Variants in RUNX1T1 observed in about 807,000 individuals in gnomAD.
The protein encoded by RUNX1T1 is RUNX1 partner transcriptional co-repressor 1.
Under a neutral mutation model 62.8 loss-of-function variants are expected in RUNX1T1, and 4 were observed. The ratio of observed to expected loss-of-function variants is 0.06; its 90% confidence interval spans 0.03 to 0.15. The LOEUF (loss-of-function observed/expected upper bound fraction) is 0.15, where lower values mean the gene tolerates loss of function less well. Among genes scored for constraint, RUNX1T1 ranks in the 10% least tolerant of loss-of-function variants. The pLI is 1.00. For synonymous variants in RUNX1T1, 291 were observed against 286.0 expected (o/e 1.02, Z -0.18); for missense variants, 508 against 754.3 (o/e 0.67, Z 3.82).
chr8:92,084,119 G>T (rs1457259618), intron 1 of RUNX1T1, among the ~76,000 whole-genome samples: 1 of 152,044 alleles, frequency 6.6e-6, no homozygotes, highest in Admixed American at 6.5e-5. Context: ...CTAAGGGAGG[G>T]ACAGCATTAG....
intron 4 of RUNX1T1, among the ~76,000 whole-genome samples, chr8:92,008,280 C>CA (rs970898472): frequency 1.3e-5 from 2 of 151,476 alleles, no homozygotes; most frequent in African/African-American, 4.9e-5. Flanking sequence ...GATGAGGAAG[C>CA]GGGGGGGAAG....
At chr8:92,033,982 T>A (rs981685892) in intron 1 of RUNX1T1, among the ~76,000 whole-genome samples, 1 of 143,352 alleles carries the variant, frequency 7.0e-6, no homozygotes, top group African/African-American at 3.0e-5. Context: ...AAAAAAAAAT[T>A]TTTTTTTTAA....
intron 1 of RUNX1T1, among the ~76,000 whole-genome samples, chr8:92,023,986 AG>A (rs1212484306): frequency 6.6e-6 from 1 of 152,218 alleles, no homozygotes; most frequent in East Asian, 1.9e-4. Flanking sequence ...CACAAAAGCC[AG>A]CAACTAACAG....
intron 4 of RUNX1T1, among the ~76,000 whole-genome samples, chr8:92,008,561 C>T (rs1174917756): frequency 6.6e-6 from 1 of 151,970 alleles, no homozygotes; most frequent in East Asian, 1.9e-4. Flanking sequence ...TTGAACCAAG[C>T]AGGCAAACAT....
chr8:92,023,475 A>T (rs1824520531), intron 1 of RUNX1T1, among the ~76,000 whole-genome samples: 1 of 152,164 alleles, frequency 6.6e-6, no homozygotes, highest in African/African-American at 2.4e-5. Flanking sequence ...GTCCACAAGA[A>T]TGTCTGCATG....
At chr8:92,027,427 G>A (rs568085658) in intron 1 of RUNX1T1, among the ~76,000 whole-genome samples, 1 of 152,272 alleles carries the variant, frequency 6.6e-6, no homozygotes, top group Non-Finnish European at 1.5e-5. Flanking sequence ...CAGCCCAAAG[G>A]GATGGGGAGC....
intron 2 of RUNX1T1, among the ~76,000 whole-genome samples, chr8:92,069,830 T>C (rs1833415816): frequency 6.6e-6 from 1 of 152,224 alleles, no homozygotes; most frequent in Non-Finnish European, 1.5e-5. Flanking sequence ...CTTACTTTCA[T>C]TTATTAAAAT....
At chr8:92,073,298 A>G (rs1833949053) in intron 2 of RUNX1T1, among the ~76,000 whole-genome samples, 1 of 152,190 alleles carries the variant, frequency 6.6e-6, no homozygotes, top group Non-Finnish European at 1.5e-5. Context: ...GGTGGGAAAC[A>G]CAACAGCGTT....
At chr8:91,996,327 G>A (rs1233838666) in intron 5 of RUNX1T1, among the ~76,000 whole-genome samples, 1 of 152,030 alleles carries the variant, frequency 6.6e-6, no homozygotes, top group Non-Finnish European at 1.5e-5. Flanking sequence ...TCAGCCTCCT[G>A]AGTAGCTGGG....
chr8:92,075,876 C>A lies in RUNX1T1; in HGVS notation c.88+89G>T, dbSNP rs138453232. The A allele has an allele frequency of 2.9e-3, 3,613 of 1,228,278 alleles. 8 individuals are homozygous for A. Among genetic ancestry groups the A allele is most frequent in the Non-Finnish European group, 3.7e-3 (3,301 of 883,202 alleles). 76.1% of individuals were successfully genotyped at this position (1,228,278 alleles called of 1,614,324 possible). A position where few individuals can be genotyped will look rare whatever the true frequency, so the allele number is the denominator to read the frequency against. On this transcript the variant is annotated intron_variant, in intron 2 of 11. Coordinates refer to the RUNX1T1 transcript ENST00000265814. ...TAGAAGAAGGAAGAAAAAAGAAAAT[C>A]TTTACAATTATAATTTATTGGAAAA...
intron 1 of RUNX1T1, among the ~76,000 whole-genome samples, chr8:92,025,008 GA>G (rs1236167816): frequency 2.0e-5 from 3 of 152,116 alleles, no homozygotes; most frequent in Admixed American, 2.0e-4. Context: ...AAGCACTCCG[GA>G]AAGGGTGACT....
chr8:92,021,506 T>C (rs1473347491), intron 1 of RUNX1T1, among the ~76,000 whole-genome samples: 1 of 152,024 alleles, frequency 6.6e-6, no homozygotes, highest in African/African-American at 2.4e-5. Context: ...AGTCAAACAC[T>C]AAGATGCTAA....
At chr8:92,061,965 T>C (rs1832110216) in intron 1 of RUNX1T1, among the ~76,000 whole-genome samples, 1 of 152,184 alleles carries the variant, frequency 6.6e-6, no homozygotes, top group Non-Finnish European at 1.5e-5. Flanking sequence ...GCACTAAATT[T>C]CCAGGACAAG....
intron 3 of RUNX1T1, among the ~76,000 whole-genome samples, chr8:92,012,545 TC>T (rs1822161798): frequency 6.6e-6 from 1 of 151,692 alleles, no homozygotes; most frequent in South Asian, 2.1e-4. Context: ...AGACCCTGTC[TC>T]AAAAAAATTA....
At chr8:92,014,746 G>A (rs1822661377) in exon 3 of RUNX1T1, 1 of 1,614,070 alleles carries the variant, frequency 6.2e-7, no homozygotes, top group Middle Eastern at 1.7e-4. Context: ...GAAGAGGAAG[G>A]CCCATTGCTG....
At chr8:92,058,728 A>C (rs1282515988) in intron 1 of RUNX1T1, among the ~76,000 whole-genome samples, 1 of 152,220 alleles carries the variant, frequency 6.6e-6, no homozygotes, top group Non-Finnish European at 1.5e-5. Context: ...ATGGCTCAGA[A>C]GGCTTTTCAG....
intron 1 of RUNX1T1, among the ~76,000 whole-genome samples, chr8:92,076,648 AAAC>A (rs1297492016): frequency 6.6e-6 from 1 of 152,122 alleles, no homozygotes; most frequent in Admixed American, 6.5e-5. Context: ...ACATAGTTTA[AAAC>A]AACAGTGAAG....
intron 4 of RUNX1T1, 132 bp downstream of exon 5, chr8:92,010,870 A>G: frequency 1.8e-6 from 1 of 564,110 alleles, no homozygotes; most frequent in Non-Finnish European, 3.2e-6. Flanking sequence ...GGTCATAAAT[A>G]CAATCGATTC....
intron 10 of RUNX1T1, among the ~76,000 whole-genome samples, chr8:91,968,068 C>G (rs1485844551): frequency 6.6e-6 from 1 of 152,046 alleles, no homozygotes; most frequent in Non-Finnish European, 1.5e-5. Flanking sequence ...TGGAGGCTGA[C>G]AGGAATAAAA....
Sources: allele counts gnomAD v4.1 joint callset (sites outside exome capture counted in the v4.1 genomes callset), GRCh38; gene constraint gnomAD v4.1.1; transcripts MANE v1.5; gene names NCBI Gene and HGNC (gene_info 2026-07-23, HGNC 2026-07-21).